The following CERKL variants were observed in gnomAD, a reference collection of about 807,000 sequenced individuals.
CERKL encodes ceramide kinase-like protein.
In CERKL, 61 loss-of-function variants were observed where a neutral mutation model predicts 63.4. The ratio of observed to expected loss-of-function variants is 0.96; its 90% CI spans 0.78 to 1.19. The LOEUF (loss-of-function observed/expected upper bound fraction) is 1.19, where lower values mean the gene tolerates loss of function less well. CERKL is among the 50% of genes most tolerant of loss of function. CERKL has a pLI of 0.00. For synonymous variants in CERKL, 250 were observed against 230.5 expected (o/e 1.08, Z -0.77); for missense variants, 675 against 655.5 (o/e 1.03, Z -0.33).
intron 2 of CERKL, among the ~76,000 whole-genome samples, chr2:181,583,970 T>C (rs1684648359): frequency 6.6e-6 from 1 of 152,210 alleles, no homozygotes; most frequent in Admixed American, 6.5e-5. Flanking sequence ...TATTTGGTTA[T>C]CTGAAAAATA....
chr2:181,563,313 T>C (rs745392247), intron 4 of CERKL, among the ~76,000 whole-genome samples: 19 of 152,096 alleles, frequency 1.2e-4, no homozygotes, highest in Non-Finnish European at 4.4e-5. Context: ...AGATGTCTCA[T>C]AGAAACATAT....
chr2:181,552,427 C>A (rs1440871016), intron 5 of CERKL, among the ~76,000 whole-genome samples: 4 of 152,222 alleles, frequency 2.6e-5, no homozygotes, highest in African/African-American at 9.6e-5. Context: ...AGGGACTCTT[C>A]CCCACTTCAC....
intron 1 of CERKL, among the ~76,000 whole-genome samples, chr2:181,633,401 G>C (rs1017342506): frequency 6.6e-6 from 1 of 152,160 alleles, no homozygotes; most frequent in Non-Finnish European, 1.5e-5. Flanking sequence ...AAAGTAAATT[G>C]TTCTAGTTAT....
intron 3 of CERKL, 72 bp from the exon 4 acceptor site, chr2:181,566,193 G>A (rs1688661339): frequency 1.8e-6 from 2 of 1,113,808 alleles, no homozygotes; most frequent in Middle Eastern, 2.1e-4. Flanking sequence ...AACTTGTTCT[G>A]GCAAAATAAT....
In CERKL at chr2:181,550,318, A is replaced by G. The variant is rs1011819858; in HGVS notation, c.821-610T>C. 3.3e-5 allele frequency among the ~76,000 whole-genome samples: 5 copies of G among 152,288 alleles called. No homozygotes were observed. The highest frequency in any genetic ancestry group is 1.2e-4 in the African/African-American group (5 of 41,578). On this transcript the variant is annotated intron_variant, in intron 5 of 12. Transcript: ENST00000410087. This position sits in a 1 kb window ranked among gnomAD's most constrained non-coding sequence, Gnocchi z 4.5. ...ATGTATGAAGATTTGTATTTGAAAC[A>G]TTATGATTTCTGATTTTCATGATTA...
intron 5 of CERKL, among the ~76,000 whole-genome samples, chr2:181,551,876 TG>T (rs996388122): frequency 5.0e-4 from 76 of 152,336 alleles, no homozygotes; most frequent in African/African-American, 1.6e-3. Context: ...TTTCCAGTTG[TG>T]GCATCATGCT....
intron 2 of CERKL, among the ~76,000 whole-genome samples, chr2:181,588,075 T>A (rs1392149646): frequency 6.6e-6 from 1 of 152,190 alleles, no homozygotes; most frequent in Non-Finnish European, 1.5e-5. Flanking sequence ...ATTGAGCCAA[T>A]TTACATATGC....
chr2:181,653,258 A>G (rs142541372), intron 1 of CERKL, among the ~76,000 whole-genome samples: 1 of 152,362 alleles, frequency 6.6e-6, no homozygotes, highest in East Asian at 1.9e-4. Flanking sequence ...ACAAAAGAAA[A>G]TAAGTACTGA....
chr2:181,631,548 C>T (rs1686957273), intron 1 of CERKL, among the ~76,000 whole-genome samples: 1 of 152,122 alleles, frequency 6.6e-6, no homozygotes, highest in South Asian at 2.1e-4. Flanking sequence ...ACCTTACACC[C>T]CTCCACAGCA....
At chr2:181,656,657 G>A in intron 1 of CERKL, 112 bp downstream of exon 1, 2 of 922,114 alleles carry the variant, frequency 2.2e-6, no homozygotes, top group Non-Finnish European at 1.6e-6. Flanking sequence ...AGCACGGGGA[G>A]GGGAGGCGAG....
At chr2:181,639,132 A>G (rs542713883) in intron 1 of CERKL, among the ~76,000 whole-genome samples, 1 of 152,346 alleles carries the variant, frequency 6.6e-6, no homozygotes, top group Admixed American at 6.5e-5. Flanking sequence ...ATGTAAAACT[A>G]TAAAGATTAT....
chr2:181,620,265 T>C (rs1245428912), intron 1 of CERKL, among the ~76,000 whole-genome samples: 1 of 152,148 alleles, frequency 6.6e-6, no homozygotes, highest in Non-Finnish European at 1.5e-5. Context: ...ACTCTTTTTT[T>C]CCTGAGGACC....
chr2:181,605,507 T>A (rs1685639649), intron 1 of CERKL, among the ~76,000 whole-genome samples: 1 of 152,132 alleles, frequency 6.6e-6, no homozygotes, highest in Admixed American at 6.5e-5. Flanking sequence ...TGGTAAGTAT[T>A]TAGAAGAGTA....
intron 1 of CERKL, among the ~76,000 whole-genome samples, chr2:181,607,793 A>G (rs1040644267): frequency 3.3e-5 from 5 of 152,188 alleles, no homozygotes; most frequent in African/African-American, 1.2e-4. Flanking sequence ...GATGGACTAC[A>G]TGGGAAATAC....
At chr2:181,549,105 C>T (rs1687871847) in intron 6 of CERKL, among the ~76,000 whole-genome samples, 1 of 152,122 alleles carries the variant, frequency 6.6e-6, no homozygotes, top group Non-Finnish European at 1.5e-5. Flanking sequence ...TCCTATAAAA[C>T]ATGGTCAAAG....
At chr2:181,650,786 G>T (rs113850509) in intron 1 of CERKL, among the ~76,000 whole-genome samples, 1 of 126,894 alleles carries the variant, frequency 7.9e-6, no homozygotes, top group Admixed American at 7.9e-5. Flanking sequence ...AGAAAAAAAA[G>T]AACAGAACAA....
In CERKL at chr2:181,651,748, T is replaced by C. The variant is rs948516332; in HGVS notation, c.238+5021A>G. On this transcript the variant is annotated intron_variant, in intron 1 of 12. Transcript: ENST00000410087. ...TCAAACTGTCCCTGTTTGCAGAAGA[T>C]ATGATCTTATAGATAGAAAACCCAA... Among the ~76,000 whole-genome samples the C allele has an allele frequency of 2.0e-5, 3 of 150,248 alleles. No individual in the cohort carries two copies. In the South Asian group the frequency reaches 6.2e-4, roughly 31 times the overall value.
intron 3 of CERKL, among the ~76,000 whole-genome samples, chr2:181,569,328 G>A (rs1005793696): frequency 5.3e-5 from 8 of 152,144 alleles, no homozygotes; most frequent in African/African-American, 1.9e-4. Flanking sequence ...GGTAAAATTG[G>A]AAGGAGTGAT....
intron 2 of CERKL, among the ~76,000 whole-genome samples, chr2:181,595,375 TTCAA>T (rs761681929): frequency 0.18 from 27,623 of 152,126 alleles, 4,028 homozygotes; most frequent in African/African-American, 0.4. Flanking sequence ...GTTGCCCTGC[TTCAA>T]GAGTTTGGAG....
Sources: allele counts gnomAD v4.1 joint callset (sites outside exome capture counted in the v4.1 genomes callset), GRCh38; gene constraint gnomAD v4.1.1; non-coding constraint Gnocchi (gnomAD v3.1); transcripts MANE v1.5; gene names NCBI Gene and HGNC (gene_info 2026-07-23, HGNC 2026-07-21).